ACYP2: variants seen among roughly 807,000 people sequenced by gnomAD.
ACYP2 encodes acylphosphatase 2.
In ACYP2, 12 loss-of-function variants were observed where a neutral mutation model predicts 11.2. The observed-to-expected ratio is 1.08, with a 90% CI of 0.69 to 1.74. The LOEUF (loss-of-function observed/expected upper bound fraction) is 1.74. Ranked by LOEUF, ACYP2 falls within the 40% of genes most tolerant of loss-of-function variation. ACYP2 has a pLI of 0.00. For synonymous variants in ACYP2, 43 were observed against 32.2 expected (o/e 1.33, Z -1.13); for missense variants, 134 against 101.9 (o/e 1.31, Z -1.35).
At chr2:54,192,454 T>C (rs1215152113) in intron 6 of ACYP2, among the ~76,000 whole-genome samples, 1 of 152,160 alleles carries the variant, frequency 6.6e-6, no homozygotes, top group Non-Finnish European at 1.5e-5. Context: ...AAATTACTAG[T>C]CTGTGAAATC....
chr2:54,218,188 AATTT>A (rs1379484302), intron 6 of ACYP2, among the ~76,000 whole-genome samples: 1 of 152,154 alleles, frequency 6.6e-6, no homozygotes, highest in Non-Finnish European at 1.5e-5. Flanking sequence ...AGGTAGAATT[AATTT>A]GTGTCTTTTT....
intron 2 of ACYP2, among the ~76,000 whole-genome samples, chr2:53,982,460 G>C (rs535665807): frequency 6.6e-6 from 1 of 152,158 alleles, no homozygotes; most frequent in African/African-American, 2.4e-5. Context: ...CACAGTACCT[G>C]TCCTCAAGCA....
chr2:54,240,014 A>C (rs1461023242), intron 6 of ACYP2, among the ~76,000 whole-genome samples: 1 of 152,208 alleles, frequency 6.6e-6, no homozygotes, highest in Non-Finnish European at 1.5e-5. Flanking sequence ...CCCAGAAGGA[A>C]TTGTGACTCC....
At chr2:54,030,418 T>C (rs1674521878) in intron 2 of ACYP2, among the ~76,000 whole-genome samples, 1 of 152,234 alleles carries the variant, frequency 6.6e-6, no homozygotes, top group African/African-American at 2.4e-5. Flanking sequence ...GTTTCATTTC[T>C]AGCTTTGATG....
chr2:54,125,023 G>A (rs1305209109), intron 4 of ACYP2, among the ~76,000 whole-genome samples: 1 of 152,068 alleles, frequency 6.6e-6, no homozygotes, highest in African/African-American at 2.4e-5. Context: ...AAAGTGCTGG[G>A]ATTACAGGCA....
intron 6 of ACYP2, among the ~76,000 whole-genome samples, chr2:54,164,363 A>G (rs1223696686): frequency 6.6e-6 from 1 of 152,190 alleles, no homozygotes; most frequent in Non-Finnish European, 1.5e-5. Flanking sequence ...GCACCAAGGA[A>G]TCATTGAAGA....
At chr2:54,133,001 C>T (rs1482713003) in intron 4 of ACYP2, among the ~76,000 whole-genome samples, 2 of 152,186 alleles carry the variant, frequency 1.3e-5, no homozygotes, top group African/African-American at 4.8e-5. Context: ...GCCTTGGCCT[C>T]CCAAAGTGCT....
At chr2:54,036,093 T>TTTTG (rs1231191980) in intron 2 of ACYP2, among the ~76,000 whole-genome samples, 7 of 152,066 alleles carry the variant, frequency 4.6e-5, no homozygotes, top group African/African-American at 1.2e-4. Flanking sequence ...ATATTTCTTT[T>TTTTG]TTTGTTTGTT....
chr2:53,987,980 G>A (rs375629299), intron 2 of ACYP2, among the ~76,000 whole-genome samples: 3 of 152,198 alleles, frequency 2.0e-5, no homozygotes, highest in East Asian at 3.9e-4. Context: ...GTCTCTTAAA[G>A]GGATCTTTTA....
intron 6 of ACYP2, chr2:54,143,347 C>T (rs1365265548): frequency 6.6e-6 from 1 of 152,124 alleles, no homozygotes; most frequent in East Asian, 1.9e-4. Flanking sequence ...GTGTGTTATT[C>T]TTTTAAATTA....
At chr2:54,058,982 GT>G (rs1242947518) in intron 4 of ACYP2, among the ~76,000 whole-genome samples, 1 of 152,126 alleles carries the variant, frequency 6.6e-6, no homozygotes, top group East Asian at 1.9e-4. Flanking sequence ...TCACGGAGGG[GT>G]TTGGAAAGTT....
chr2:54,291,379 C>T (rs566501286), intron 6 of ACYP2, among the ~76,000 whole-genome samples: 51 of 152,006 alleles, frequency 3.4e-4, no homozygotes, highest in South Asian at 1.5e-3. Context: ...CCATACAGAC[C>T]GGCAAAAAAA....
intron 4 of ACYP2, among the ~76,000 whole-genome samples, chr2:54,101,496 C>T (rs1479470941): frequency 6.6e-6 from 1 of 151,996 alleles, no homozygotes. Context: ...TGGTGAAACC[C>T]CGTCTCTACT....
chr2:54,006,741 A>G (rs1673084887), intron 2 of ACYP2, among the ~76,000 whole-genome samples: 1 of 152,154 alleles, frequency 6.6e-6, no homozygotes, highest in East Asian at 1.9e-4. Flanking sequence ...CAAACTATCT[A>G]TAGGAGATGT....
At position 54,051,981 on chromosome 2, in the gene ACYP2, A is replaced by G. The variant is rs146104119; in HGVS notation, c.155+931A>G. On this transcript the variant is annotated intron_variant, in intron 3 of 6. Transcript: ENST00000607452. ...AGAATCACTTGAATCCAGGAGGCAGAGGTTGCAATGAGCCAAGATCGCACC... is the reference window on the plus strand; with the variant it reads ...AGAATCACTTGAATCCAGGAGGCAGGGGTTGCAATGAGCCAAGATCGCACC... 8.5e-3 allele frequency among the ~76,000 whole-genome samples: 1,294 copies of G among 152,172 alleles called. 28 individuals are homozygous for G. Among genetic ancestry groups the G allele is most frequent in the African/African-American group, 0.03 (1,251 of 41,496 alleles).
At chr2:54,035,643 TCA>T (rs1674859069) in intron 2 of ACYP2, among the ~76,000 whole-genome samples, 1 of 152,190 alleles carries the variant, frequency 6.6e-6, no homozygotes, top group Non-Finnish European at 1.5e-5. Context: ...ATCTACATGA[TCA>T]CAGTTTGACC....
chr2:54,136,712 G>A (rs901003126), intron 5 of ACYP2, among the ~76,000 whole-genome samples: 2 of 151,998 alleles, frequency 1.3e-5, no homozygotes, highest in African/African-American at 2.4e-5. Context: ...GCAGTGGCTC[G>A]CGCCTGTAAT....
Position 54,183,197 on chromosome 2 carries a change from G to C in ACYP2, c.404+44449G>C, listed in dbSNP as rs183065393. On this transcript the variant is annotated intron_variant, in intron 6 of 6. Transcript: ENST00000607452. The stretch of plus-strand genomic sequence containing the variant: ...AATTGTAAAGCTATGGTTTCCATAT[G>C]ACTATAAGTTAACAAAATATAAAAA... Among the ~76,000 whole-genome samples the C allele has an allele frequency of 2.6e-4, 39 of 152,132 alleles. No homozygotes were observed. The East Asian group carries it at 6.9e-3, about 27-fold the overall frequency.
At chr2:54,280,349 A>T (rs1282920720) in intron 6 of ACYP2, among the ~76,000 whole-genome samples, 1 of 151,834 alleles carries the variant, frequency 6.6e-6, no homozygotes, top group Non-Finnish European at 1.5e-5. Context: ...GGAAGAGCAC[A>T]TTGGGTAAGG....
Sources: allele counts gnomAD v4.1 joint callset (sites outside exome capture counted in the v4.1 genomes callset), GRCh38; gene constraint gnomAD v4.1.1; transcripts MANE v1.5; gene names NCBI Gene and HGNC (gene_info 2026-07-23, HGNC 2026-07-21).